NEGR1: variants seen among roughly 807,000 people sequenced by gnomAD.
NEGR1 encodes neuronal growth regulator 1.
NEGR1 carries 10 observed loss-of-function variants against 40.9 expected under a neutral mutation model. The observed-to-expected ratio is 0.24, with a 90% CI of 0.15 to 0.42. The LOEUF (loss-of-function observed/expected upper bound fraction) is 0.42, where lower values mean the gene tolerates loss of function less well. NEGR1 is among the 10% of genes least tolerant of loss of function. NEGR1 has a pLI of 1.00. For missense variants in NEGR1, 352 were observed against 438.9 expected (o/e 0.80, Z 1.77); for synonymous variants, 185 against 166.8 (o/e 1.11, Z -0.84).
chr1:71,485,236 T>A (rs568132980), intron 6 of NEGR1, among the ~76,000 whole-genome samples: 1 of 146,698 alleles, frequency 6.8e-6, no homozygotes, highest in African/African-American at 2.5e-5. Context: ...TTTTTTTTTA[T>A]CATAAAACTT....
intron 1 of NEGR1, among the ~76,000 whole-genome samples, chr1:72,068,558 T>G (rs1009453195): frequency 6.6e-6 from 1 of 152,136 alleles, no homozygotes; most frequent in African/African-American, 2.4e-5. Flanking sequence ...ATTATGTGGA[T>G]GGGTGGATGG....
At chr1:72,099,191 T>C (rs953917793) in intron 1 of NEGR1, among the ~76,000 whole-genome samples, 1 of 151,928 alleles carries the variant, frequency 6.6e-6, no homozygotes, top group Non-Finnish European at 1.5e-5. Context: ...CTATTTTGAA[T>C]AATAAATTTT....
intron 1 of NEGR1, among the ~76,000 whole-genome samples, chr1:71,942,547 G>T (rs1165443791): frequency 4.1e-5 from 4 of 97,096 alleles, no homozygotes; most frequent in Non-Finnish European, 7.9e-5. Flanking sequence ...TGTCGCCCAG[G>T]CTGGAGTGCA....
intron 2 of NEGR1, among the ~76,000 whole-genome samples, chr1:71,932,997 A>C (rs962871552): frequency 1.3e-5 from 2 of 152,140 alleles, no homozygotes; most frequent in Admixed American, 6.6e-5. Context: ...TCAACTTCTA[A>C]TAAGTAATTA....
Position 72,115,263 on chromosome 1 carries a change from C to T in NEGR1, c.176+167056G>A, listed in dbSNP as rs1649538556. On this transcript the variant is annotated intron_variant, in intron 1 of 6. Transcript: ENST00000357731. ...GTCATAATGCACTGGGTTGAGAAAC[C>T]TATTTCTCCAGATCTATAAACCAGA... Among the ~76,000 whole-genome samples, 3 of 151,622 alleles carry T rather than the reference C, an allele frequency of 2.0e-5. No individual in the cohort carries two copies. In the Admixed American group the frequency reaches 2.0e-4, roughly 10 times the overall value.
At chr1:71,650,542 A>G (rs1484867709) in intron 4 of NEGR1, among the ~76,000 whole-genome samples, 2 of 152,192 alleles carry the variant, frequency 1.3e-5, no homozygotes, top group African/African-American at 4.8e-5. Flanking sequence ...ATTATAAACA[A>G]ACGCTGTGTT....
intron 1 of NEGR1, among the ~76,000 whole-genome samples, chr1:72,153,136 A>T (rs1651187366): frequency 6.6e-6 from 1 of 151,860 alleles, no homozygotes; most frequent in Non-Finnish European, 1.5e-5. Flanking sequence ...AGTTCAATTA[A>T]AAAATTAAAG....
chr1:72,154,321 T>C (rs1651276383), intron 1 of NEGR1, among the ~76,000 whole-genome samples: 1 of 152,088 alleles, frequency 6.6e-6, no homozygotes, highest in South Asian at 2.1e-4. Context: ...CCCCAAATTT[T>C]CATTTTTTGT....
chr1:71,614,493 A>G (rs1331465228), intron 4 of NEGR1, among the ~76,000 whole-genome samples: 1 of 152,226 alleles, frequency 6.6e-6, no homozygotes, highest in Non-Finnish European at 1.5e-5. Context: ...GTCAATTATT[A>G]TGACACTGCT....
At chr1:71,413,306 A>G (rs1436697323) in intron 6 of NEGR1, among the ~76,000 whole-genome samples, 1 of 152,192 alleles carries the variant, frequency 6.6e-6, no homozygotes, top group African/African-American at 2.4e-5. Flanking sequence ...GCTATGTGCT[A>G]GGCACTCTGA....
intron 2 of NEGR1, among the ~76,000 whole-genome samples, chr1:71,868,693 T>G (rs1046829517): frequency 6.6e-6 from 1 of 152,130 alleles, no homozygotes. Flanking sequence ...CTGCTTCTAG[T>G]GTATTGAAAG....
At position 71,402,342 on chromosome 1, in the gene NEGR1, G is replaced by A. The variant is rs559255091; in HGVS notation, c.*5104C>T. 1.1e-4 allele frequency: 16 copies of A among 152,268 alleles called. No homozygotes were observed. The East Asian group carries it at 1.2e-3, about 11-fold the overall frequency. 9.4% of individuals were successfully genotyped at this position (152,268 alleles called of 1,614,324 possible). On this transcript the variant is annotated 3_prime_UTR_variant, in exon 7 of 7. Coordinates refer to ENST00000357731, the MANE Select transcript of NEGR1 (RefSeq NM_173808.3). ...AAGGAGAGGTAGTTGTGACCCTTTGGGGAAAACTATAGTTGCCACAATTGT... is the reference window on the plus strand; with the variant it reads ...AAGGAGAGGTAGTTGTGACCCTTTGAGGAAAACTATAGTTGCCACAATTGT...
rs528372413 is a variant in NEGR1 at position 71,931,595 on chromosome 1, A to C, written c.409+3484T>G. 2.0e-5 allele frequency among the ~76,000 whole-genome samples: 3 copies of C among 152,236 alleles called. No individual in the cohort carries two copies. In the South Asian group the frequency reaches 6.2e-4, roughly 32 times the overall value. ...AAGAGGGGGCCTAACTCACTTTTAT[A>C]ACAAACCCACTCTCACAACAACTAA... On this transcript the variant is annotated intron_variant, in intron 2 of 6. Transcript: ENST00000357731.
At chr1:72,191,177 A>T (rs371429178) in intron 1 of NEGR1, among the ~76,000 whole-genome samples, 1 of 151,816 alleles carries the variant, frequency 6.6e-6, no homozygotes, top group East Asian at 1.9e-4. Flanking sequence ...TTCTAGTAAC[A>T]TTCTCCAGAT....
intron 6 of NEGR1, among the ~76,000 whole-genome samples, chr1:71,439,569 CCT>C (rs1478666404): frequency 6.6e-6 from 1 of 152,086 alleles, no homozygotes; most frequent in African/African-American, 2.4e-5. Context: ...GACCATGTTG[CCT>C]AGGCTGGTCT....
At chr1:71,989,450 C>T (rs921312989) in intron 1 of NEGR1, among the ~76,000 whole-genome samples, 1 of 152,134 alleles carries the variant, frequency 6.6e-6, no homozygotes, top group Non-Finnish European at 1.5e-5. Flanking sequence ...GATCCAGCTG[C>T]AGATCTGATC....
intron 2 of NEGR1, among the ~76,000 whole-genome samples, chr1:71,876,555 A>AGAAG (rs1032366678): frequency 6.7e-6 from 1 of 150,258 alleles, no homozygotes; most frequent in Non-Finnish European, 1.5e-5. Flanking sequence ...GAGAGAGAGG[A>AGAAG]GAAGGAAGGA....
At chr1:71,622,715 T>A (rs888929199) in intron 4 of NEGR1, among the ~76,000 whole-genome samples, 2 of 151,834 alleles carry the variant, frequency 1.3e-5, no homozygotes, top group Non-Finnish European at 2.9e-5. Context: ...GTGAAGTCAA[T>A]CAATTGAAAA....
chr1:71,961,877 T>C (rs2100297456), intron 1 of NEGR1, among the ~76,000 whole-genome samples: 1 of 152,236 alleles, frequency 6.6e-6, no homozygotes, highest in South Asian at 2.1e-4. Flanking sequence ...TTATATGAGT[T>C]GAGAAAGCCA....
Sources: allele counts gnomAD v4.1 joint callset (sites outside exome capture counted in the v4.1 genomes callset), GRCh38; gene constraint gnomAD v4.1.1; transcripts MANE v1.5; gene names NCBI Gene and HGNC (gene_info 2026-07-23, HGNC 2026-07-21).